PMP22: variants seen among roughly 807,000 people sequenced by gnomAD.
PMP22 encodes peripheral myelin protein 22, also known as Charcot-Marie-Tooth neuropathy 1A (greatly reduced nerve conduction velocity, hereditary motor sensory neuropathy Ia).
Under a neutral mutation model 18.9 loss-of-function variants are expected in PMP22, and 2 were observed. The ratio of observed to expected loss-of-function variants is 0.11; its 90% CI spans 0.04 to 0.33. The LOEUF (loss-of-function observed/expected upper bound fraction) is 0.33. Ranked by LOEUF, PMP22 falls within the 10% of genes least tolerant of loss-of-function variation. The pLI, the probability that PMP22 is intolerant of heterozygous loss-of-function variation, is 1.00. For missense variants in PMP22, 169 were observed against 202.2 expected, an observed-to-expected ratio of 0.84 and a Z score of 1.00; for synonymous variants, 95 against 89.2, an observed-to-expected ratio of 1.07 and a Z score of -0.37.
In PMP22 at chr17:15,232,956, C is replaced by G. The variant is rs1282301215; in HGVS notation, c.320-1876G>C. On this transcript the variant is annotated intron_variant, in intron 4 of 4. Transcript: ENST00000312280. The stretch of plus-strand genomic sequence containing the variant: ...CGTGATAAGCAGTAAACTTAGATAT[C>G]TACAAAGCCAAAGAGAGGATACACA... 2.2e-4 allele frequency among the ~76,000 whole-genome samples: 33 copies of G among 152,112 alleles called. 1 individual carries two copies. Among genetic ancestry groups the G allele is most frequent in the Admixed American group, 2.2e-3 (33 of 15,274 alleles).
At position 15,259,180 on chromosome 17, in the gene PMP22, C is replaced by T. The variant is rs1451714453; in HGVS notation, c.92G>A (p.Gly31Asp). 2 of 1,612,514 alleles carry T rather than the reference C, an allele frequency of 1.2e-6. No homozygotes were observed. Among genetic ancestry groups the T allele is most frequent in the Non-Finnish European group, 8.5e-7 (1 of 1,178,582 alleles). The change falls in exon 3 of 5, where the codon GGC becomes GAC. Residue 31 changes from glycine (G) to aspartate (D), a missense_variant. Physicochemically the swap from Gly to Asp is moderately conservative, Grantham distance 94. Transcript: ENST00000312280. ...CCAGAGATCAGTTGCGTGTCCATTG[C>T]CCACGATCCATTGCTAGAGAGAATC... is the stretch of plus-strand genomic sequence containing the variant. ...VSTIVSQWIV[G>D]NGHATDLWQN...
intron 1 of PMP22, among the ~76,000 whole-genome samples, chr17:15,263,422 C>T (rs1487929863): frequency 1.3e-5 from 2 of 152,092 alleles, no homozygotes; most frequent in African/African-American, 4.8e-5. Flanking sequence ...GCCCGCCCAG[C>T]GTTACAGGGA....
chr17:15,240,574 C>T (rs926283406), intron 3 of PMP22, among the ~76,000 whole-genome samples: 1 of 152,048 alleles, frequency 6.6e-6, no homozygotes, highest in African/African-American at 2.4e-5. Context: ...AAGACAGAGC[C>T]TCCTATGGTT....
chr17:15,247,308 G>T (rs1486860905), intron 3 of PMP22, among the ~76,000 whole-genome samples: 1 of 152,168 alleles, frequency 6.6e-6, no homozygotes, highest in Non-Finnish European at 1.5e-5. Context: ...GGTGGAGCTT[G>T]CAGTGAGCCG....
At chr17:15,243,466 T>C (rs1186619237) in intron 3 of PMP22, among the ~76,000 whole-genome samples, 5 of 151,544 alleles carry the variant, frequency 3.3e-5, no homozygotes, top group African/African-American at 9.7e-5. Flanking sequence ...AAGAAAAAAT[T>C]TGAAGTAAAC....
At chr17:15,245,807 C>G (rs113239910) in intron 3 of PMP22, among the ~76,000 whole-genome samples, 1 of 151,826 alleles carries the variant, frequency 6.6e-6, no homozygotes, top group Non-Finnish European at 1.5e-5. Context: ...GAGATCGAGA[C>G]CATGCTGGCT....
intron 3 of PMP22, among the ~76,000 whole-genome samples, chr17:15,257,812 A>G (rs1567717086): frequency 1.3e-5 from 2 of 152,128 alleles, no homozygotes; most frequent in South Asian, 4.1e-4. Context: ...TCCCTCCCCA[A>G]CCCAGAAGGT....
At chr17:15,245,730 G>A (rs780477686) in intron 3 of PMP22, among the ~76,000 whole-genome samples, 5 of 152,016 alleles carry the variant, frequency 3.3e-5, no homozygotes, top group Non-Finnish European at 7.4e-5. Flanking sequence ...GCCACAGGCC[G>A]GGCGCAGTGG....
In PMP22 at chr17:15,261,512, G is replaced by C. The variant is rs1909343892; in HGVS notation, c.-34-751C>G. 6.6e-6 allele frequency: 1 copy of C among 152,314 alleles called. No individual in the cohort carries two copies. Among genetic ancestry groups the C allele is most frequent in the Admixed American group, 6.5e-5 (1 of 15,284 alleles). 9.4% of individuals were successfully genotyped at this position (152,314 alleles called of 1,614,324 possible). ...CCGCGCGCTTCCCCAGGCAGCCCCT[G>C]GGGTCAGGGGGCATTCTGCTCTTGC... On this transcript the variant is annotated intron_variant, in intron 1 of 4. Coordinates refer to ENST00000312280, the MANE Select transcript of PMP22 (RefSeq NM_000304.4). This position sits in a 1 kb window ranked among gnomAD's most constrained non-coding sequence, Gnocchi z 5.2.
chr17:15,259,135 G>A lies in PMP22; in HGVS notation c.137C>T (p.Ser46Phe). Reference sequence around the variant, plus strand: ...GAAACAGTGGTGGACATTTCCTGAGGAAGAGGTGCTACAGTTCTGCCAGAG... The same window carrying A: ...GAAACAGTGGTGGACATTTCCTGAGAAAGAGGTGCTACAGTTCTGCCAGAG... ...TDLWQNCSTSSSGNVHHCFSS... is the reference protein window; with the variant it reads ...TDLWQNCSTSFSGNVHHCFSS... The change falls in exon 3 of 5, where the codon TCC becomes TTC. Residue 46 changes from serine (S) to phenylalanine (F), a missense_variant. By Grantham distance (155) the Ser-to-Phe change is radical. Transcript: ENST00000312280. The A allele has an allele frequency of 6.2e-7, 1 of 1,614,070 alleles. No individual in the cohort carries two copies.
In PMP22 at chr17:15,258,735, T is replaced by A; in HGVS notation, c.178+359A>T. 1 of 352,168 alleles carries A rather than the reference T, an allele frequency of 2.8e-6. No individual in the cohort carries two copies. The highest frequency in any genetic ancestry group is 3.8e-5 in the Admixed American group (1 of 26,528). 21.8% of individuals were successfully genotyped at this position (352,168 alleles called of 1,614,324 possible). A position where few individuals can be genotyped will look rare whatever the true frequency, so the allele number is the denominator to read the frequency against. On this transcript the variant is annotated intron_variant, in intron 3 of 4. Coordinates refer to ENST00000312280, the MANE Select transcript of PMP22 (RefSeq NM_000304.4). This position sits in a 1 kb window ranked among gnomAD's most constrained non-coding sequence, Gnocchi z 4.1. ...ATAGAGACAGCCACCAAACCAAAGA[T>A]ACACGTTTGATCCAATGTCCCAAGG...
intron 3 of PMP22, among the ~76,000 whole-genome samples, chr17:15,257,385 C>T (rs137911959): frequency 2.5e-3 from 375 of 152,354 alleles, no homozygotes; most frequent in African/African-American, 8.8e-3. Flanking sequence ...GGTTTTAACA[C>T]GCCTGCCAAA....
intron 3 of PMP22, among the ~76,000 whole-genome samples, chr17:15,250,531 A>C (rs1431705386): frequency 6.6e-6 from 1 of 152,106 alleles, no homozygotes; most frequent in East Asian, 1.9e-4. Flanking sequence ...TCAAAATATA[A>C]ATCCTGATTT....
At chr17:15,237,703 G>T (rs187660876) in intron 4 of PMP22, among the ~76,000 whole-genome samples, 74 of 152,236 alleles carry the variant, frequency 4.9e-4, no homozygotes, top group Non-Finnish European at 6.5e-4. Flanking sequence ...GGTGACCTTG[G>T]TCATTCATTT....
intron 3 of PMP22, among the ~76,000 whole-genome samples, chr17:15,247,790 G>A (rs1907966259): frequency 6.6e-6 from 1 of 152,212 alleles, no homozygotes; most frequent in Admixed American, 6.5e-5. Context: ...TTTGTTGAAA[G>A]TGAAAGGAAG....
At chr17:15,236,787 A>T (rs986131702) in intron 4 of PMP22, among the ~76,000 whole-genome samples, 2 of 152,192 alleles carry the variant, frequency 1.3e-5, no homozygotes, top group African/African-American at 4.8e-5. Context: ...CTCCAAATAG[A>T]GTTCCTAACT....
In PMP22 at chr17:15,261,032, C is replaced by T. The variant is rs981257680; in HGVS notation, c.-34-271G>A. ...TTGGAAACAAAACAAGCGGTTCGCA[C>T]GTCTAAAACCACCCAGGGAACGGAG... is the stretch of plus-strand genomic sequence containing the variant. On this transcript the variant is annotated intron_variant, in intron 1 of 4. Transcript: ENST00000312280. This position sits in a 1 kb window ranked among gnomAD's most constrained non-coding sequence, Gnocchi z 5.2. 1.0e-4 allele frequency: 22 copies of T among 214,242 alleles called. No individual in the cohort carries two copies. The highest frequency in any genetic ancestry group is 4.2e-4 in the African/African-American group (18 of 43,152). The allele number at this position is 214,242 out of a possible 1,614,324, so 13.3% of individuals were successfully genotyped here. A position where few individuals can be genotyped will look rare whatever the true frequency, so the allele number is the denominator to read the frequency against.
At chr17:15,238,558 CT>C (rs1181633095) in intron 4 of PMP22, among the ~76,000 whole-genome samples, 1 of 152,232 alleles carries the variant, frequency 6.6e-6, no homozygotes, top group African/African-American at 2.4e-5. Flanking sequence ...GAATCCACCA[CT>C]ACATCTAGCT....
In PMP22 at chr17:15,239,246, G is replaced by A. The variant is rs2150676130; in HGVS notation, c.319+225C>T. The A allele has an allele frequency of 2.4e-5, 15 of 624,290 alleles. 2 individuals are homozygous for A. In the South Asian group the frequency reaches 2.9e-4, roughly 12 times the overall value. The allele number at this position is 624,290 out of a possible 1,614,324, so 38.7% of individuals were successfully genotyped here. A position where few individuals can be genotyped will look rare whatever the true frequency, so the allele number is the denominator to read the frequency against. Reference sequence around the variant, plus strand: ...AGATCCTCTAAGTTCTCTTTCATATGCATCTCATTCCAGGGAGAAGGGGAG... The same window carrying A: ...AGATCCTCTAAGTTCTCTTTCATATACATCTCATTCCAGGGAGAAGGGGAG... On this transcript the variant is annotated intron_variant, in intron 4 of 4. Transcript: ENST00000312280.
Sources: gnomAD v4.1 joint callset for allele counts (sites outside exome capture counted in the v4.1 genomes callset) on GRCh38, gnomAD v4.1.1 for gene constraint, Gnocchi (gnomAD v3.1) non-coding constraint, MANE v1.5 for transcripts, NCBI Gene and HGNC (gene_info 2026-07-23, HGNC 2026-07-21) for gene names.